The following TOP2B variants were observed in gnomAD, a reference collection of about 807,000 sequenced individuals.
TOP2B encodes the protein DNA topoisomerase II beta.
In TOP2B, 51 loss-of-function variants were observed where a neutral mutation model predicts 193.5. That is an observed-to-expected ratio of 0.26 (90% CI 0.21 to 0.33). TOP2B has a LOEUF of 0.33. Ranked by LOEUF, TOP2B falls within the 10% of genes least tolerant of loss-of-function variation. The pLI, the probability that TOP2B is intolerant of heterozygous loss-of-function variation, is 1.00. For synonymous variants in TOP2B, 634 were observed against 635.7 expected (o/e 1.00, Z 0.04); for missense variants, 1,378 against 1,909.3 (o/e 0.72, Z 5.19).
intron 10 of TOP2B, 106 bp downstream of exon 10, chr3:25,632,340 C>T (rs947436408): frequency 1.0e-6 from 1 of 954,546 alleles, no homozygotes; most frequent in East Asian, 2.6e-5. Context: ...ATGCTTATAC[C>T]CACAGTTAAT....
At chr3:25,623,880 T>G (rs1353314254) in intron 20 of TOP2B, 134 bp from the exon 21 acceptor site, 7 of 650,198 alleles carry the variant, frequency 1.1e-5, no homozygotes, top group Non-Finnish European at 1.8e-5. Context: ...TTTGATTACA[T>G]CCGCTTAATA....
chr3:25,650,985 T>C (rs550196620), intron 1 of TOP2B, among the ~76,000 whole-genome samples: 23 of 152,228 alleles, frequency 1.5e-4, no homozygotes, highest in Non-Finnish European at 2.8e-4. Flanking sequence ...TCCTTCTTAG[T>C]ACCGCAAACT....
rs1266305512 is a variant in TOP2B at position 25,630,917 on chromosome 3, T to C, written c.1289A>G (p.Glu430Gly). 9 of 1,595,098 alleles carry C rather than the reference T, an allele frequency of 5.6e-6. No homozygotes were observed. The highest frequency in any genetic ancestry group is 7.7e-6 in the Non-Finnish European group (9 of 1,173,162). The change falls in exon 11 of 36, where the codon GAA becomes GGA. Residue 430 changes from glutamate to glycine, a missense_variant. Coordinates refer to ENST00000264331, the MANE Select transcript of TOP2B (RefSeq NM_001330700.2). Reference sequence around the variant, plus strand: ...AAATTTCACCCAGTTCAGGATACTTTCTACAATGCCACAATTAGAGGCCTA... The same window carrying C: ...AAATTTCACCCAGTTCAGGATACTTCCTACAATGCCACAATTAGAGGCCTA... ...FKAASNCGIVESILNWVKFKA... is the reference protein window; with the variant it reads ...FKAASNCGIVGSILNWVKFKA...
At chr3:25,613,347 A>T (rs1702427606) in intron 27 of TOP2B, among the ~76,000 whole-genome samples, 1 of 152,222 alleles carries the variant, frequency 6.6e-6, no homozygotes, top group African/African-American at 2.4e-5. Context: ...AGATCTTTGT[A>T]GCACAACAGT....
chr3:25,615,478 G>A lies in TOP2B; in HGVS notation c.3460C>T (p.Leu1154Phe). The part of the protein sequence containing the change: ...NYILNMSLWS[L>F]TKEKVEELIK... ...AGTTCTTCAACTTTTTCTTTAGTAA[G>A]AGACCACAGAGACATATTTAAAATA... The change falls in exon 26 of 36, where the codon CTT (leucine) becomes TTT (phenylalanine). Residue 1154 changes from leucine to phenylalanine, a missense_variant. Leu to Phe is a conservative substitution (Grantham distance 22). Coordinates refer to ENST00000264331, the MANE Select transcript of TOP2B (RefSeq NM_001330700.2). 1 of 1,569,982 alleles carries A rather than the reference G, an allele frequency of 6.4e-7. No individual in the cohort carries two copies. Among genetic ancestry groups the A allele is most frequent in the Non-Finnish European group, 8.6e-7 (1 of 1,159,610 alleles).
Position 25,609,250 on chromosome 3 carries a change from T to C in TOP2B, c.4026A>G (p.Ser1342=), listed in dbSNP as rs1020810813. 3.1e-6 allele frequency: 5 copies of C among 1,606,112 alleles called. No individual in the cohort carries two copies. Among genetic ancestry groups the C allele is most frequent in the Non-Finnish European group, 4.3e-6 (5 of 1,175,564 alleles). Residue 1342 remains serine (S), a synonymous_variant, in exon 30 of 36, where the codon TCA becomes TCG. Coordinates refer to ENST00000264331, the MANE Select transcript of TOP2B (RefSeq NM_001330700.2). Reference sequence around the variant, plus strand: ...GTTCTGTTTCTTCCAAATCACTTTCTGACTTGGATTCATCATCTGACCAAG... The same window carrying C: ...GTTCTGTTTCTTCCAAATCACTTTCCGACTTGGATTCATCATCTGACCAAG... ...RNPWSDDESK[S]ESDLEETEPV...
intron 2 of TOP2B, among the ~76,000 whole-genome samples, chr3:25,644,222 A>G (rs1703347906): frequency 6.6e-6 from 1 of 152,098 alleles, no homozygotes; most frequent in African/African-American, 2.4e-5. Flanking sequence ...TGAACAAGTT[A>G]CTTAAATTTA....
Position 25,664,598 on chromosome 3 carries a change from C to G in TOP2B, c.-301G>C, listed in dbSNP as rs1250889486. ...GCCGAGCGGCGGCGTTGCCTTCTCG[C>G]CCGCCCGCGGGCGCCGCTGCAGGCC... On this transcript the variant is annotated 5_prime_UTR_variant, in exon 1 of 36. Transcript: ENST00000264331. 1 of 1,007,964 alleles carries G rather than the reference C, an allele frequency of 9.9e-7. No homozygotes were observed. Among genetic ancestry groups the G allele is most frequent in the East Asian group, 9.9e-5 (1 of 10,110 alleles). The allele number at this position is 1,007,964 out of a possible 1,614,324, so 62.4% of individuals were successfully genotyped here.
intron 18 of TOP2B, among the ~76,000 whole-genome samples, 177 bp downstream of exon 18, chr3:25,626,383 C>T (rs1702801696): frequency 6.6e-6 from 1 of 151,908 alleles, no homozygotes; most frequent in South Asian, 2.1e-4. Flanking sequence ...GATTTCAGCA[C>T]TATGAAAACA....
At chr3:25,638,565 T>C (rs1703172844) in intron 4 of TOP2B, among the ~76,000 whole-genome samples, 1 of 151,786 alleles carries the variant, frequency 6.6e-6, no homozygotes, top group Admixed American at 6.6e-5. Flanking sequence ...GAATGGAAAA[T>C]TACAGATCTT....
In TOP2B at chr3:25,637,296, A is replaced by G. The variant is rs1703131285; in HGVS notation, c.558T>C (p.Tyr186=). 6.4e-7 allele frequency: 1 copy of G among 1,557,320 alleles called. No individual in the cohort carries two copies. The highest frequency in any genetic ancestry group is 8.7e-7 in the Non-Finnish European group (1 of 1,149,308). ...TGAAAATATTACAAAGTTTTGCACC[A>G]TAACCATTACGACCACCTGTAAGAA... The part of the protein sequence containing the change: ...EKKVTGGRNG[Y]GAKLCNIFST... The change falls in exon 6 of 36, where the codon TAT becomes TAC. Residue 186 remains tyrosine, a synonymous_variant. Coordinates refer to ENST00000264331, the MANE Select transcript of TOP2B (RefSeq NM_001330700.2).
At chr3:25,637,407 T>C in intron 5 of TOP2B, 95 bp from the exon 6 acceptor site, 2 of 753,520 alleles carry the variant, frequency 2.7e-6, no homozygotes, top group South Asian at 3.4e-5. Context: ...TGCAAAACTG[T>C]TCCACTAACT....
Position 25,599,476 on chromosome 3 carries a change from C to A in TOP2B, c.4669G>T (p.Asp1557Tyr). The A allele has an allele frequency of 3.7e-6, 6 of 1,613,608 alleles. No individual in the cohort carries two copies. The highest frequency in any genetic ancestry group is 4.2e-6 in the Non-Finnish European group (5 of 1,179,658). The change falls in exon 35 of 36, where the codon GAT (aspartate) becomes TAT (tyrosine). Residue 1557 changes from aspartate (D) to tyrosine (Y), a missense_variant. Asp to Tyr is a radical substitution (Grantham distance 160). Coordinates refer to ENST00000264331, the MANE Select transcript of TOP2B (RefSeq NM_001330700.2). ...RKASGSENEG[D>Y]YNPGRKTSKT... The stretch of plus-strand genomic sequence containing the variant: ...GATGTTTTCCTGCCAGGGTTATAAT[C>A]GCCTTCATTTTCAGAGCCAGATGCT...
intron 17 of TOP2B, 31 bp from the exon 18 acceptor site, chr3:25,626,705 A>G (rs1416332974): frequency 2.7e-6 from 4 of 1,504,922 alleles, no homozygotes; most frequent in Non-Finnish European, 3.6e-6. Context: ...CAATATTATC[A>G]TTATTACTGC....
intron 1 of TOP2B, among the ~76,000 whole-genome samples, chr3:25,660,365 C>T: frequency 6.6e-6 from 1 of 152,060 alleles, no homozygotes; most frequent in East Asian, 1.9e-4. Flanking sequence ...AATATTAAGG[C>T]AAAGTTATCA....
intron 1 of TOP2B, among the ~76,000 whole-genome samples, chr3:25,660,120 TA>T (rs1391846889): frequency 1.3e-5 from 2 of 152,186 alleles, no homozygotes; most frequent in East Asian, 3.8e-4. Flanking sequence ...TCAGAAAAAT[TA>T]AGTTTATTAA....
chr3:25,606,014 T>C, intron 32 of TOP2B, 29 bp downstream of exon 32: 1 of 1,288,982 alleles, frequency 7.8e-7, no homozygotes, highest in East Asian at 2.7e-5. Flanking sequence ...AATAATACAA[T>C]AACCAATGAA....
intron 2 of TOP2B, 74 bp downstream of exon 2, chr3:25,645,226 T>A: frequency 7.5e-7 from 1 of 1,330,106 alleles, no homozygotes; most frequent in South Asian, 1.6e-5. Context: ...GTAATTACAA[T>A]AATTTTATCA....
At chr3:25,649,878 T>TA (rs1047491178) in intron 1 of TOP2B, among the ~76,000 whole-genome samples, 4 of 152,132 alleles carry the variant, frequency 2.6e-5, no homozygotes, top group South Asian at 2.1e-4. Context: ...AAGATAAAAA[T>TA]AAAAAATATA....
Sources: gnomAD v4.1 joint callset for allele counts (sites outside exome capture counted in the v4.1 genomes callset) on GRCh38, gnomAD v4.1.1 for gene constraint, MANE v1.5 for transcripts, NCBI Gene and HGNC (gene_info 2026-07-23, HGNC 2026-07-21) for gene names.